The following HS6ST3 variants were observed in gnomAD, a reference collection of about 807,000 sequenced individuals.
HS6ST3 encodes heparan-sulfate 6-O-sulfotransferase 3.
HS6ST3 carries 12 observed loss-of-function variants against 36.7 expected under a neutral mutation model. The ratio of observed to expected loss-of-function variants is 0.33; its 90% CI spans 0.21 to 0.53. The LOEUF (loss-of-function observed/expected upper bound fraction) is 0.53, where lower values mean the gene tolerates loss of function less well. Among genes scored for constraint, HS6ST3 ranks in the 20% least tolerant of loss-of-function variants. The pLI is 0.95. For synonymous variants in HS6ST3, 240 were observed against 257.5 expected, an observed-to-expected ratio of 0.93 and a Z score of 0.65; for missense variants, 584 against 640.9, an observed-to-expected ratio of 0.91 and a Z score of 0.96.
At chr13:96,828,667 T>C (rs766262941) in intron 1 of HS6ST3, among the ~76,000 whole-genome samples, 4 of 151,146 alleles carry the variant, frequency 2.6e-5, no homozygotes, top group Non-Finnish European at 5.9e-5. Context: ...TCTCATAGGA[T>C]TCTGGAATGG....
intron 1 of HS6ST3, among the ~76,000 whole-genome samples, chr13:96,286,586 A>C (rs2054803785): frequency 6.6e-6 from 1 of 152,200 alleles, no homozygotes; most frequent in Non-Finnish European, 1.5e-5. Flanking sequence ...GATATTCTCC[A>C]CAGAGTTAAC....
chr13:96,802,860 A>G (rs1878111567), intron 1 of HS6ST3, among the ~76,000 whole-genome samples: 1 of 152,198 alleles, frequency 6.6e-6, no homozygotes, highest in Non-Finnish European at 1.5e-5. Context: ...GCTCTAAAAT[A>G]AACCATATTT....
chr13:96,585,475 T>C (rs977752090), intron 1 of HS6ST3, among the ~76,000 whole-genome samples: 1 of 152,190 alleles, frequency 6.6e-6, no homozygotes, highest in African/African-American at 2.4e-5. Context: ...TATTAGTTTA[T>C]ATCCACTCTT....
chr13:96,400,544 A>G (rs551612087), intron 1 of HS6ST3, among the ~76,000 whole-genome samples: 1 of 152,188 alleles, frequency 6.6e-6, no homozygotes, highest in African/African-American at 2.4e-5. Context: ...ACAGGAACTT[A>G]TCACTGTTGA....
At chr13:96,623,890 C>T (rs538745816) in intron 1 of HS6ST3, among the ~76,000 whole-genome samples, 1 of 152,238 alleles carries the variant, frequency 6.6e-6, no homozygotes, top group South Asian at 2.1e-4. Context: ...ATTCAACAAG[C>T]GTTTATTTAT....
At chr13:96,125,738 G>A (rs1448489999) in intron 1 of HS6ST3, among the ~76,000 whole-genome samples, 1 of 151,712 alleles carries the variant, frequency 6.6e-6, no homozygotes, top group Non-Finnish European at 1.5e-5. Context: ...GCTAAATGAT[G>A]ACATTTCTTA....
intron 1 of HS6ST3, among the ~76,000 whole-genome samples, chr13:96,473,576 C>T (rs928199134): frequency 6.6e-6 from 1 of 152,306 alleles, no homozygotes; most frequent in East Asian, 1.9e-4. Context: ...CCTCTTGTCT[C>T]CAGCTGCTCA....
At chr13:96,355,711 A>G (rs1364884490) in intron 1 of HS6ST3, among the ~76,000 whole-genome samples, 1 of 152,094 alleles carries the variant, frequency 6.6e-6, no homozygotes, top group Non-Finnish European at 1.5e-5. Context: ...CTGCTGTCTG[A>G]TCAGGGTGGT....
chr13:96,357,028 A>G (rs2055213470), intron 1 of HS6ST3, among the ~76,000 whole-genome samples: 1 of 152,182 alleles, frequency 6.6e-6, no homozygotes, highest in Non-Finnish European at 1.5e-5. Flanking sequence ...TTCCTTAAAC[A>G]TGAACTCACC....
chr13:96,737,631 CAAAAAAAA>C (rs5805990), intron 1 of HS6ST3, among the ~76,000 whole-genome samples: 7 of 65,760 alleles, frequency 1.1e-4, no homozygotes, highest in African/African-American at 3.3e-4. Flanking sequence ...GACTCCGTCT[CAAAAAAAA>C]AAAAAAAAAA....
At chr13:96,181,864 C>T (rs1393290294) in intron 1 of HS6ST3, among the ~76,000 whole-genome samples, 1 of 151,930 alleles carries the variant, frequency 6.6e-6, no homozygotes, top group African/African-American at 2.4e-5. Flanking sequence ...TCTTTTTTTT[C>T]TCCCCCCACT....
At chr13:96,319,755 C>G (rs1013700499) in intron 1 of HS6ST3, among the ~76,000 whole-genome samples, 11 of 152,178 alleles carry the variant, frequency 7.2e-5, no homozygotes, top group African/African-American at 2.7e-4. Context: ...CTTGTTATGA[C>G]TTTTGCAGGT....
intron 1 of HS6ST3, among the ~76,000 whole-genome samples, chr13:96,211,181 C>T (rs1306443602): frequency 6.6e-6 from 1 of 152,204 alleles, no homozygotes; most frequent in Non-Finnish European, 1.5e-5. Flanking sequence ...ATACATCTGC[C>T]TTGGGCTCCC....
At chr13:96,592,198 A>G (rs2056384795) in intron 1 of HS6ST3, among the ~76,000 whole-genome samples, 1 of 152,156 alleles carries the variant, frequency 6.6e-6, no homozygotes, top group South Asian at 2.1e-4. Context: ...TAAAGGTAAT[A>G]CTATGTCATA....
At chr13:96,416,150 T>G (rs2055531997) in intron 1 of HS6ST3, among the ~76,000 whole-genome samples, 1 of 152,226 alleles carries the variant, frequency 6.6e-6, no homozygotes, top group South Asian at 2.1e-4. Context: ...CTGATCTCCT[T>G]GCCAGAAACT....
At chr13:96,736,496 A>G (rs944694347) in intron 1 of HS6ST3, among the ~76,000 whole-genome samples, 1 of 152,220 alleles carries the variant, frequency 6.6e-6, no homozygotes, top group Admixed American at 6.5e-5. Context: ...ACAAGGCAAT[A>G]TAGAGACTTT....
At chr13:96,330,705 A>G (rs1228156373) in intron 1 of HS6ST3, among the ~76,000 whole-genome samples, 10 of 148,046 alleles carry the variant, frequency 6.8e-5, no homozygotes, top group Admixed American at 6.7e-4. Flanking sequence ...CGTTCTCTGT[A>G]TTTCCTGAAT....
chr13:96,451,382 G>A (rs2055727335), intron 1 of HS6ST3, among the ~76,000 whole-genome samples: 1 of 152,032 alleles, frequency 6.6e-6, no homozygotes, highest in Non-Finnish European at 1.5e-5. Flanking sequence ...AAAGGTTAAG[G>A]CATAGTCATG....
At chr13:96,334,352 T>C (rs560721365) in intron 1 of HS6ST3, among the ~76,000 whole-genome samples, 32 of 152,210 alleles carry the variant, frequency 2.1e-4, no homozygotes, top group Admixed American at 1.6e-3. Context: ...GTTCCCCACT[T>C]CACCTTCCAC....
Sources: allele counts gnomAD v4.1 joint callset (sites outside exome capture counted in the v4.1 genomes callset), GRCh38; gene constraint gnomAD v4.1.1; transcripts MANE v1.5; gene names NCBI Gene and HGNC (gene_info 2026-07-23, HGNC 2026-07-21).